CELF4: variants seen among roughly 807,000 people sequenced by gnomAD.
The protein encoded by CELF4 is CUG-BP- and ETR-3-like factor 4.
Under a neutral mutation model 59.9 loss-of-function variants are expected in CELF4, and 18 were observed. That is an observed-to-expected ratio of 0.30 (90% CI 0.21 to 0.45). The LOEUF (loss-of-function observed/expected upper bound fraction) is 0.45, where lower values mean the gene tolerates loss of function less well. CELF4 is among the 20% of genes least tolerant of loss of function. CELF4 has a pLI of 1.00. For missense variants in CELF4, 456 were observed against 689.0 expected (o/e 0.66, Z 3.79); for synonymous variants, 261 against 267.1 (o/e 0.98, Z 0.22).
intron 2 of CELF4, among the ~76,000 whole-genome samples, chr18:37,339,052 T>C (rs2097892597): frequency 6.6e-6 from 1 of 152,246 alleles, no homozygotes; most frequent in South Asian, 2.1e-4. Context: ...GCAGAGCTGA[T>C]GCGGGCTGTG....
At chr18:37,369,975 C>A (rs1361044887) in intron 2 of CELF4, among the ~76,000 whole-genome samples, 1 of 152,240 alleles carries the variant, frequency 6.6e-6, no homozygotes, top group East Asian at 1.9e-4. Context: ...CCCCTCTTCA[C>A]CTCTGCTGAG....
intron 2 of CELF4, among the ~76,000 whole-genome samples, chr18:37,460,610 AG>A (rs1285793473): frequency 6.6e-6 from 1 of 152,240 alleles, no homozygotes; most frequent in African/African-American, 2.4e-5. Context: ...CTTTGTCCAC[AG>A]GGCCCCAAGG....
intron 2 of CELF4, among the ~76,000 whole-genome samples, chr18:37,382,010 G>C (rs148609478): frequency 1.3e-5 from 2 of 152,330 alleles, no homozygotes; most frequent in East Asian, 3.9e-4. Context: ...CCTGAAAGTT[G>C]TAACTAGAGT....
chr18:37,492,738 G>A (rs1426471746), intron 1 of CELF4, among the ~76,000 whole-genome samples: 1 of 152,106 alleles, frequency 6.6e-6, no homozygotes, highest in African/African-American at 2.4e-5. Context: ...CTGAAGCCCT[G>A]AGCATCTACC....
At chr18:37,269,014 T>G (rs2154341976) in intron 8 of CELF4, among the ~76,000 whole-genome samples, 1 of 151,946 alleles carries the variant, frequency 6.6e-6, no homozygotes, top group East Asian at 1.9e-4. Context: ...CCAGAGGGGG[T>G]TGGGAAGGAG....
At chr18:37,519,496 C>T (rs2099954672) in intron 1 of CELF4, among the ~76,000 whole-genome samples, 1 of 152,190 alleles carries the variant, frequency 6.6e-6, no homozygotes, top group African/African-American at 2.4e-5. Flanking sequence ...CTCCTATCAG[C>T]ATTTTGCCGT....
intron 1 of CELF4, among the ~76,000 whole-genome samples, chr18:37,554,093 C>T (rs1306320945): frequency 6.6e-6 from 1 of 152,154 alleles, no homozygotes; most frequent in East Asian, 1.9e-4. Context: ...GCACTTTGGG[C>T]GGATGACTGA....
In CELF4 at chr18:37,444,617, TAC is replaced by T. The variant is rs61248144; in HGVS notation, c.369+40906_369+40907del. On this transcript the variant is annotated intron_variant, in intron 2 of 12. Coordinates refer to ENST00000420428, the MANE Select transcript of CELF4 (RefSeq NM_020180.4). The stretch of plus-strand genomic sequence containing the variant: ...TCTCTCTCTCTCTCTCTAGCATGCA[TAC>T]ACACACACACACACACACACACACA... 9.6e-3 allele frequency among the ~76,000 whole-genome samples: 1,284 copies of T among 134,180 alleles called. 17 individuals carry two copies. Among genetic ancestry groups the T allele is most frequent in the South Asian group, 0.014 (55 of 4,066 alleles). 88.0% of individuals were successfully genotyped at this position (134,180 alleles called of 152,430 possible).
intron 2 of CELF4, among the ~76,000 whole-genome samples, chr18:37,446,246 C>T (rs1222143607): frequency 6.6e-6 from 1 of 152,174 alleles, no homozygotes; most frequent in Admixed American, 6.5e-5. Flanking sequence ...ACCCTCATTA[C>T]CCATGTGCAA....
At chr18:37,304,884 G>A (rs1412133324) in intron 3 of CELF4, among the ~76,000 whole-genome samples, 2 of 152,212 alleles carry the variant, frequency 1.3e-5, no homozygotes, top group Non-Finnish European at 2.9e-5. Context: ...AGAAGGGAGG[G>A]GGAGCAGGTG....
In CELF4 at chr18:37,558,089, C is replaced by T. The variant is rs182577369; in HGVS notation, c.286+7267G>A. 2.0e-5 allele frequency among the ~76,000 whole-genome samples: 3 copies of T among 150,406 alleles called. No homozygotes were observed. The Admixed American group carries it at 2.0e-4, about 10-fold the overall frequency. On this transcript the variant is annotated intron_variant, in intron 1 of 12. Coordinates refer to ENST00000420428, the MANE Select transcript of CELF4 (RefSeq NM_020180.4). ...CAATCTCCACTCATTGCAACCTCCA[C>T]CACCCAGGCTCAAGCGATACTCCTG...
chr18:37,534,953 A>G (rs2099972336), intron 1 of CELF4, among the ~76,000 whole-genome samples: 1 of 152,218 alleles, frequency 6.6e-6, no homozygotes, highest in Admixed American at 6.5e-5. Context: ...CTGCCAGTAG[A>G]AGCAAGAGAA....
intron 3 of CELF4, among the ~76,000 whole-genome samples, chr18:37,300,605 G>A (rs962867452): frequency 1.3e-5 from 2 of 152,212 alleles, no homozygotes; most frequent in East Asian, 3.8e-4. Flanking sequence ...CCTGCTCTGG[G>A]CAGGGCACTG....
intron 3 of CELF4, among the ~76,000 whole-genome samples, chr18:37,291,155 T>G (rs372088232): frequency 6.6e-6 from 1 of 152,138 alleles, no homozygotes; most frequent in Non-Finnish European, 1.5e-5. Context: ...GTGATCCGCC[T>G]GCCTCGGCCT....
intron 2 of CELF4, among the ~76,000 whole-genome samples, chr18:37,462,595 C>T (rs9951151): frequency 0.081 from 12,292 of 152,202 alleles, 545 homozygotes; most frequent in East Asian, 0.14. Flanking sequence ...CTGACATCTA[C>T]TCTTCTATGT....
intron 2 of CELF4, among the ~76,000 whole-genome samples, chr18:37,377,862 C>G (rs1179630646): frequency 1.3e-5 from 2 of 151,842 alleles, no homozygotes; most frequent in African/African-American, 4.8e-5. Flanking sequence ...AGGGCAAGGG[C>G]GGAAAGGGAA....
chr18:37,304,767 G>A (rs1298439985), intron 3 of CELF4, among the ~76,000 whole-genome samples: 1 of 152,208 alleles, frequency 6.6e-6, no homozygotes, highest in Non-Finnish European at 1.5e-5. Context: ...GCTTCCTTTC[G>A]GGGGAAGTAG....
intron 9 of CELF4, among the ~76,000 whole-genome samples, chr18:37,265,547 C>T (rs1323911362): frequency 1.3e-5 from 2 of 152,266 alleles, no homozygotes; most frequent in East Asian, 1.9e-4. Context: ...TGGACTTGGC[C>T]TCTGGGAAGG....
chr18:37,558,574 C>G (rs975758229), intron 1 of CELF4, among the ~76,000 whole-genome samples: 16 of 145,768 alleles, frequency 1.1e-4, no homozygotes, highest in African/African-American at 3.6e-4. Context: ...GTGGGGGGGG[C>G]TCTGTTCTAC....
Sources: gnomAD v4.1 joint callset for allele counts (sites outside exome capture counted in the v4.1 genomes callset) on GRCh38, gnomAD v4.1.1 for gene constraint, MANE v1.5 for transcripts, NCBI Gene and HGNC (gene_info 2026-07-23, HGNC 2026-07-21) for gene names.